The following MED13L variants were observed in gnomAD, a reference collection of about 807,000 sequenced individuals.
MED13L encodes mediator of RNA polymerase II transcription subunit 13-like.
MED13L carries 7 observed loss-of-function variants against 220.9 expected under a neutral mutation model. The ratio of observed to expected loss-of-function variants is 0.03; its 90% confidence interval spans 0.02 to 0.06. MED13L has a LOEUF of 0.06. Ranked by LOEUF, MED13L falls within the 10% of genes least tolerant of loss-of-function variation. The probability of loss-of-function intolerance (pLI) is 1.00; values close to 1 mark genes in which losing one functional copy is unlikely to be tolerated. For missense variants in MED13L, 1,965 were observed against 2,760.5 expected (o/e 0.71, Z 6.46); for synonymous variants, 1,011 against 1,015.2 (o/e 1.00, Z 0.08).
intron 2 of MED13L, among the ~76,000 whole-genome samples, chr12:116,120,475 TCTCACACACACACACA>T (rs1473476902): frequency 4.4e-5 from 4 of 91,690 alleles, no homozygotes; most frequent in African/African-American, 8.7e-5. Flanking sequence ...TCTCTCTCTC[TCTCACACACACACACA>T]CACACACACA....
intron 2 of MED13L, among the ~76,000 whole-genome samples, chr12:116,201,582 T>G (rs1882006736): frequency 6.6e-6 from 1 of 152,174 alleles, no homozygotes; most frequent in Non-Finnish European, 1.5e-5. Context: ...ATTAATGCAT[T>G]TAATAACACA....
intron 1 of MED13L, among the ~76,000 whole-genome samples, chr12:116,271,574 C>T (rs1234284875): frequency 6.6e-6 from 1 of 150,764 alleles, no homozygotes; most frequent in Non-Finnish European, 1.5e-5. Flanking sequence ...TGCAGTGAGC[C>T]GCGATCGCGC....
At chr12:116,244,846 G>A (rs1391377324) in intron 1 of MED13L, among the ~76,000 whole-genome samples, 1 of 152,176 alleles carries the variant, frequency 6.6e-6, no homozygotes, top group Admixed American at 6.5e-5. Context: ...CAGCTACTAG[G>A]GACGCTAAAG....
chr12:116,119,225 T>C (rs924128728), intron 2 of MED13L, among the ~76,000 whole-genome samples: 17 of 152,142 alleles, frequency 1.1e-4, no homozygotes, highest in African/African-American at 3.6e-4. Flanking sequence ...TTCTAACCCC[T>C]ACCAGATGCT....
intron 29 of MED13L, among the ~76,000 whole-genome samples, chr12:115,963,972 A>C (rs974412107): frequency 6.6e-6 from 1 of 152,154 alleles, no homozygotes; most frequent in Non-Finnish European, 1.5e-5. Context: ...CTGTAGTCCC[A>C]GCTACTCAGA....
intron 4 of MED13L, among the ~76,000 whole-genome samples, chr12:116,085,953 A>G (rs1489951012): frequency 6.6e-6 from 1 of 152,190 alleles, no homozygotes; most frequent in Non-Finnish European, 1.5e-5. Context: ...AATATGAACA[A>G]TGAGAAAATG....
At position 116,015,215 on chromosome 12, in the gene MED13L, T is replaced by C. The variant is rs199864222; in HGVS notation, c.1069A>G (p.Ile357Val). 3 of 1,613,966 alleles carry C rather than the reference T, an allele frequency of 1.9e-6. No homozygotes were observed. Among genetic ancestry groups the C allele is most frequent in the South Asian group, 2.2e-5 (2 of 91,084 alleles). ...GATCTCTTTGGACTGTGCATCGTTA[T>C]CATCCCTCCATCTTGGGAAACCAGG... is the stretch of plus-strand genomic sequence containing the variant. ...SHLVSQDGGM[I>V]TMHSPKRSGK... Residue 357 changes from isoleucine (I) to valine (V), a missense_variant, in exon 8 of 31, where the codon ATA becomes GTA. Physicochemically the swap from Ile to Val is conservative, Grantham distance 29. This residue lies in a region of MED13L where 818 missense variants were observed against 1,041.2 expected (regional missense o/e 0.79). Transcript: ENST00000281928.
chr12:116,070,194 C>G (rs1013235598), intron 4 of MED13L, among the ~76,000 whole-genome samples: 8 of 152,138 alleles, frequency 5.3e-5, no homozygotes, highest in Admixed American at 1.3e-4. Context: ...TAACTGTAAT[C>G]CCAACACACA....
chr12:115,978,476 G>A (rs745944108), intron 23 of MED13L, among the ~76,000 whole-genome samples: 7 of 151,902 alleles, frequency 4.6e-5, no homozygotes, highest in Non-Finnish European at 7.4e-5. Context: ...ATAGGCATCC[G>A]CCACCACGCC....
chr12:116,237,824 A>G lies in MED13L; in HGVS notation c.73-119T>C, dbSNP rs941342923. 3.2e-5 allele frequency: 28 copies of G among 884,016 alleles called. No individual in the cohort carries two copies. In the South Asian group the frequency reaches 3.3e-4, roughly 11 times the overall value. The allele number at this position is 884,016 out of a possible 1,614,324, so 54.8% of individuals were successfully genotyped here. On this transcript the variant is annotated intron_variant, in intron 1 of 30. Transcript: ENST00000281928. Reference sequence around the variant, plus strand: ...AAATATTTACACGAAACTTCATATCATAAGATTCCTCCCAGTGAAGAATGT... The same window carrying G: ...AAATATTTACACGAAACTTCATATCGTAAGATTCCTCCCAGTGAAGAATGT...
At chr12:116,202,672 T>A (rs1055476923) in intron 2 of MED13L, among the ~76,000 whole-genome samples, 1 of 152,128 alleles carries the variant, frequency 6.6e-6, no homozygotes, top group Admixed American at 6.5e-5. Context: ...CATTTTTAAA[T>A]CTCCTGTGGC....
Position 115,984,489 on chromosome 12 carries a change from G to T in MED13L, c.4339-117C>A. On this transcript the variant is annotated intron_variant, in intron 19 of 30. Transcript: ENST00000281928. Reference sequence around the variant, plus strand: ...TGGAAGCATTTTCCTTTTTCTTTTAGGGTTATCACATGCAATCAAACCAAC... The same window carrying T: ...TGGAAGCATTTTCCTTTTTCTTTTATGGTTATCACATGCAATCAAACCAAC... The T allele has an allele frequency of 3.5e-6, 4 of 1,149,784 alleles. No homozygotes were observed. In the South Asian group the frequency reaches 4.2e-5, roughly 12 times the overall value. The allele number at this position is 1,149,784 out of a possible 1,614,324, so 71.2% of individuals were successfully genotyped here. A position where few individuals can be genotyped will look rare whatever the true frequency, so the allele number is the denominator to read the frequency against.
chr12:116,074,794 C>T (rs1033885466), intron 4 of MED13L, among the ~76,000 whole-genome samples: 1 of 152,226 alleles, frequency 6.6e-6, no homozygotes, highest in Admixed American at 6.5e-5. Flanking sequence ...GTGACTACCA[C>T]AAGGGTGCCC....
At chr12:115,962,342 C>T (rs573174314) in intron 30 of MED13L, among the ~76,000 whole-genome samples, 8 of 152,262 alleles carry the variant, frequency 5.3e-5, no homozygotes, top group East Asian at 1.9e-4. Flanking sequence ...CTTGCATGTG[C>T]GGTTCACAAT....
intron 3 of MED13L, among the ~76,000 whole-genome samples, chr12:116,096,995 T>C (rs1005946927): frequency 1.3e-5 from 2 of 152,232 alleles, no homozygotes; most frequent in African/African-American, 2.4e-5. Flanking sequence ...AATAAATTGA[T>C]TGATGTATTT....
At chr12:116,084,975 A>C (rs1017436141) in intron 4 of MED13L, among the ~76,000 whole-genome samples, 127 of 152,286 alleles carry the variant, frequency 8.3e-4, no homozygotes, top group African/African-American at 3.0e-3. Context: ...AACTGTTTTC[A>C]ATTATATATA....
chr12:116,024,452 C>G (rs1247260740), intron 4 of MED13L, among the ~76,000 whole-genome samples: 1 of 152,132 alleles, frequency 6.6e-6, no homozygotes, highest in South Asian at 2.1e-4. Flanking sequence ...AACGTCCATT[C>G]AGGTATTTTG....
intron 4 of MED13L, among the ~76,000 whole-genome samples, chr12:116,049,666 G>A (rs1006741152): frequency 2.0e-5 from 3 of 152,262 alleles, no homozygotes; most frequent in East Asian, 3.9e-4. Flanking sequence ...TATTGGTATT[G>A]AGCCTAAAAA....
rs58366115 is a variant in MED13L at position 116,124,123 on chromosome 12, C to CGAGAGAGAGAGAGAGAGAGAGA, written c.311-12633_311-12612dup. Among the ~76,000 whole-genome samples the CGAGAGAGAGAGAGAGAGAGAGA allele has an allele frequency of 3.4e-3, 454 of 133,338 alleles. 10 individuals carry two copies. The highest frequency in any genetic ancestry group is 8.5e-3 in the East Asian group (38 of 4,458). The allele number at this position is 133,338 out of a possible 152,430, so 87.5% of individuals were successfully genotyped here. A position where few individuals can be genotyped will look rare whatever the true frequency, so the allele number is the denominator to read the frequency against. On this transcript the variant is annotated intron_variant, in intron 2 of 30. Transcript: ENST00000281928. ...ACATCTGCAGAGAGAGAGAGAAAGA[C>CGAGAGAGAGAGAGAGAGAGAGA]GAGAGAGAGAGAGAGAGAGAGAGAG...
Sources: gnomAD v4.1 joint callset for allele counts (sites outside exome capture counted in the v4.1 genomes callset) on GRCh38, gnomAD v4.1.1 for gene constraint, gnomAD v4.1.1 regional missense constraint, MANE v1.5 for transcripts, NCBI Gene and HGNC (gene_info 2026-07-23, HGNC 2026-07-21) for gene names.